Variants in KDM5A observed in about 807,000 individuals in gnomAD.
KDM5A encodes the protein lysine-specific demethylase 5A.
A neutral mutation model predicts 193.5 loss-of-function variants in KDM5A; 42 were observed. The observed-to-expected ratio is 0.22, with a 90% CI of 0.17 to 0.28. The LOEUF (loss-of-function observed/expected upper bound fraction) is 0.28, where lower values mean the gene tolerates loss of function less well. KDM5A is among the 10% of genes least tolerant of loss of function. The pLI, the probability that KDM5A is intolerant of heterozygous loss-of-function variation, is 1.00. For missense variants in KDM5A, 1,692 were observed against 2,055.1 expected (o/e 0.82, Z 3.42); for synonymous variants, 796 against 718.1 (o/e 1.11, Z -1.73).
At chr12:372,413 A>T (rs1944440348) in intron 3 of KDM5A, among the ~76,000 whole-genome samples, 1 of 152,126 alleles carries the variant, frequency 6.6e-6, no homozygotes, top group Non-Finnish European at 1.5e-5. Context: ...GGTGTATAAG[A>T]ATGCTTGTGA....
At chr12:358,475 G>A (rs1200892774) in intron 5 of KDM5A, among the ~76,000 whole-genome samples, 1 of 152,170 alleles carries the variant, frequency 6.6e-6, no homozygotes, top group Non-Finnish European at 1.5e-5. Context: ...TATTAAAGCA[G>A]AGTATATAAC....
chr12:304,575 C>T (rs1254577088), intron 24 of KDM5A, among the ~76,000 whole-genome samples: 1 of 151,600 alleles, frequency 6.6e-6, no homozygotes, highest in African/African-American at 2.4e-5. Flanking sequence ...GTCTTGCCAC[C>T]ATTCTTCTCA....
chr12:330,928 ATACT>A (rs1943856764), intron 13 of KDM5A, among the ~76,000 whole-genome samples: 1 of 152,216 alleles, frequency 6.6e-6, no homozygotes, highest in South Asian at 2.1e-4. Context: ...TATCATAAAT[ATACT>A]GTATAGTCTT....
At chr12:301,065 C>T (rs989139123) in intron 24 of KDM5A, among the ~76,000 whole-genome samples, 1 of 152,134 alleles carries the variant, frequency 6.6e-6, no homozygotes, top group Non-Finnish European at 1.5e-5. Context: ...AAGTCCAGGA[C>T]CAGACAGATT....
Position 385,986 on chromosome 12 carries a change from G to A in KDM5A, c.166-12C>T. ...GGAGGCTGCCAGTCCTAAATAGAAA[G>A]ATTTTTTTAAAAAAACACAGTGGTA... On this transcript the variant is annotated splice_polypyrimidine_tract_variant and intron_variant, in intron 1 of 27. Coordinates refer to ENST00000399788, the MANE Select transcript of KDM5A (RefSeq NM_001042603.3). The A allele has an allele frequency of 6.2e-7, 1 of 1,608,594 alleles. No homozygotes were observed. Among genetic ancestry groups the A allele is most frequent in the Non-Finnish European group, 8.5e-7 (1 of 1,175,326 alleles).
At chr12:286,002 A>C (rs772213097) in intron 27 of KDM5A, 56 of 423,962 alleles carry the variant, frequency 1.3e-4, no homozygotes, top group Admixed American at 5.0e-4. Context: ...AATATTAACA[A>C]TTTCTAGGCT....
At chr12:329,368 C>A (rs1003883513) in intron 13 of KDM5A, among the ~76,000 whole-genome samples, 1 of 150,268 alleles carries the variant, frequency 6.7e-6, no homozygotes, top group Non-Finnish European at 1.5e-5. Flanking sequence ...CCTGCCCTTA[C>A]AAGAAAAAGA....
intron 3 of KDM5A, among the ~76,000 whole-genome samples, chr12:366,678 A>G (rs1341710798): frequency 6.6e-6 from 1 of 152,146 alleles, no homozygotes; most frequent in Non-Finnish European, 1.5e-5. Flanking sequence ...ACCGATACGG[A>G]GTACAGAATA....
chr12:364,709 C>T (rs1276714372), intron 4 of KDM5A, among the ~76,000 whole-genome samples: 6 of 146,550 alleles, frequency 4.1e-5, no homozygotes, highest in African/African-American at 1.3e-4. Context: ...GGCGTGAGCC[C>T]AGGAGGCGGA....
At chr12:371,898 C>T (rs893582973) in intron 3 of KDM5A, among the ~76,000 whole-genome samples, 13 of 152,202 alleles carry the variant, frequency 8.5e-5, no homozygotes, top group African/African-American at 3.1e-4. Flanking sequence ...TGTCAAAGAT[C>T]AGACGGTTGC....
intron 14 of KDM5A, among the ~76,000 whole-genome samples, chr12:324,045 G>A (rs906211941): frequency 1.4e-4 from 21 of 151,976 alleles, no homozygotes; most frequent in African/African-American, 4.8e-4. Context: ...AGTGGCTCAT[G>A]GCTATCATCC....
chr12:293,392 G>A (rs144564482), intron 26 of KDM5A, among the ~76,000 whole-genome samples: 1 of 152,244 alleles, frequency 6.6e-6, no homozygotes, highest in Non-Finnish European at 1.5e-5. Flanking sequence ...TGACAGTTGC[G>A]TAACACTGTC....
At chr12:350,387 G>A (rs1295995853) in intron 10 of KDM5A, among the ~76,000 whole-genome samples, 1 of 144,952 alleles carries the variant, frequency 6.9e-6, no homozygotes, top group Non-Finnish European at 1.5e-5. Flanking sequence ...GGTGAGCTAA[G>A]CTCGCGCTCC....
At chr12:375,187 A>G (rs988424573) in intron 3 of KDM5A, among the ~76,000 whole-genome samples, 1 of 152,100 alleles carries the variant, frequency 6.6e-6, no homozygotes, top group Non-Finnish European at 1.5e-5. Context: ...GCTTGGTTCC[A>G]TTCTCCCCAT....
intron 4 of KDM5A, among the ~76,000 whole-genome samples, chr12:363,744 G>C (rs1177595961): frequency 6.6e-6 from 1 of 151,926 alleles, no homozygotes; most frequent in Non-Finnish European, 1.5e-5. Flanking sequence ...GACACCAAAA[G>C]CACAATCCAT....
chr12:332,872 T>C (rs1384246269), intron 12 of KDM5A, among the ~76,000 whole-genome samples: 3 of 152,162 alleles, frequency 2.0e-5, no homozygotes, highest in Non-Finnish European at 4.4e-5. Context: ...TTTGGTTAAA[T>C]AGAGATAACA....
chr12:292,666 C>T, intron 27 of KDM5A, 93 bp downstream of exon 27: 1 of 1,537,282 alleles, frequency 6.5e-7, no homozygotes, highest in Non-Finnish European at 9.0e-7. Context: ...AATCCTAGAA[C>T]CAAAAACATA....
At chr12:304,722 T>C (rs1007268314) in intron 24 of KDM5A, among the ~76,000 whole-genome samples, 1 of 152,184 alleles carries the variant, frequency 6.6e-6, no homozygotes, top group African/African-American at 2.4e-5. Flanking sequence ...TCCAACCATA[T>C]GAAACTGCAG....
At position 356,437 on chromosome 12, in the gene KDM5A, T is replaced by A; in HGVS notation, c.773A>T (p.Lys258Ile). Residue 258 changes from lysine to isoleucine, a missense_variant, in exon 6 of 28, where the codon AAA becomes ATA. Coordinates refer to ENST00000399788, the MANE Select transcript of KDM5A (RefSeq NM_001042603.3). Reference protein sequence around the residue: ...VVGLAMGTKDKEDEVTRRRKV... With the variant: ...VVGLAMGTKDIEDEVTRRRKV... ...GATCAAACAACAAATTTTACCTTCT[T>A]TATCTTTTGTTCCCATTGCCAAGCC... is the stretch of plus-strand genomic sequence containing the variant. 6.3e-6 allele frequency: 10 copies of A among 1,596,140 alleles called. No individual in the cohort carries two copies. Among genetic ancestry groups the A allele is most frequent in the Non-Finnish European group, 8.6e-6 (10 of 1,163,684 alleles).
Sources: gnomAD v4.1 joint callset for allele counts (sites outside exome capture counted in the v4.1 genomes callset) on GRCh38, gnomAD v4.1.1 for gene constraint, MANE v1.5 for transcripts, NCBI Gene and HGNC (gene_info 2026-07-23, HGNC 2026-07-21) for gene names.